MAGOH: variants seen among roughly 807,000 people sequenced by gnomAD.
MAGOH encodes the protein protein mago nashi homolog.
In MAGOH, 3 loss-of-function variants were observed where a neutral mutation model predicts 20.9. The ratio of observed to expected loss-of-function variants is 0.14; its 90% confidence interval spans 0.07 to 0.37. MAGOH has a LOEUF of 0.37. Ranked by LOEUF, MAGOH falls within the 10% of genes least tolerant of loss-of-function variation. MAGOH has a pLI of 1.00. For synonymous variants in MAGOH, 51 were observed against 61.0 expected (o/e 0.84, Z 0.76); for missense variants, 66 against 178.1 (o/e 0.37, Z 3.58).
chr1:53,233,442 TA>T, intron 3 of MAGOH, 99 bp downstream of exon 3: 1 of 737,408 alleles, frequency 1.4e-6, no homozygotes, highest in Non-Finnish European at 2.4e-6. Context: ...CCATAGTAGT[TA>T]GTAAGTGAGA....
rs113912801 is a variant in MAGOH, at chr1:53,233,618, T to C, written c.182A>G (p.Lys61Arg). 1 of 1,613,756 alleles carries C rather than the reference T, an allele frequency of 6.2e-7. No homozygotes were observed. Among genetic ancestry groups the C allele is most frequent in the Admixed American group, 1.7e-5 (1 of 60,014 alleles). ...AATTTCACTGTCGTCAATTATTCTC[T>C]TCAGTTCCTCCATCACGCTTTTATG... ...YVHKSVMEEL[K>R]RIIDDSEITK... is the part of the protein sequence containing the mutation. The change falls in exon 3 of 5, where the codon AAG becomes AGG. Residue 61 changes from lysine (K) to arginine (R), a missense_variant. Physicochemically the swap from Lys to Arg is conservative, Grantham distance 26 (BLOSUM62 2). Coordinates refer to ENST00000371470, the MANE Select transcript of MAGOH (RefSeq NM_002370.4).
chr1:53,233,514 G>T (rs1273874218), intron 3 of MAGOH, 28 bp downstream of exon 3: 7 of 1,509,618 alleles, frequency 4.6e-6, no homozygotes, highest in Admixed American at 1.7e-5. Flanking sequence ...TAAGATTTCT[G>T]CACTACAGGA....
At position 53,227,042 on chromosome 1, in the gene MAGOH, A is replaced by T; in HGVS notation, c.*3T>A. 6.7e-7 allele frequency: 1 copy of T among 1,496,412 alleles called. No homozygotes were observed. Among genetic ancestry groups the T allele is most frequent in the Non-Finnish European group, 9.1e-7 (1 of 1,100,896 alleles). 92.7% of individuals were successfully genotyped at this position (1,496,412 alleles called of 1,614,324 possible). The stretch of plus-strand genomic sequence containing the variant: ...ACCCCCCATGTCCACACCAATATTC[A>T]GTCTAGATTGGTTTAATCTTGAAGT... On this transcript the variant is annotated 3_prime_UTR_variant, in exon 5 of 5. Transcript: ENST00000371470.
chr1:53,229,062 C>T lies in MAGOH; in HGVS notation c.259-108G>A, dbSNP rs1051320134. Reference sequence around the variant, plus strand: ...ACACAAACTTGACTACAGATGGCCACAAAAACAAGGGCAGTTCACTCTGAG... The same window carrying T: ...ACACAAACTTGACTACAGATGGCCATAAAAACAAGGGCAGTTCACTCTGAG... On this transcript the variant is annotated intron_variant, in intron 3 of 4. Coordinates refer to ENST00000371470, the MANE Select transcript of MAGOH (RefSeq NM_002370.4). The T allele has an allele frequency of 1.1e-5, 8 of 726,276 alleles. No individual in the cohort carries two copies. In the African/African-American group the frequency reaches 1.2e-4, roughly 11 times the overall value. 45.0% of individuals were successfully genotyped at this position (726,276 alleles called of 1,614,324 possible).
rs367659567 is a variant in MAGOH at position 53,237,299 on chromosome 1, CCT to C, written c.88+1060_88+1061del. On this transcript the variant is annotated intron_variant, in intron 1 of 4. Transcript: ENST00000371470. ...CTGCAACAGTCTCCTAATCAATAGC[CCT>C]GTTTCCACTCTTGCCCATTCCGCAC... is the stretch of plus-strand genomic sequence containing the variant. Among the ~76,000 whole-genome samples the C allele has an allele frequency of 2.8e-3, 427 of 151,934 alleles. 3 individuals carry two copies. The highest frequency in any genetic ancestry group is 0.01 in the African/African-American group (416 of 41,428).
chr1:53,228,104 T>C (rs1325157033), intron 4 of MAGOH, among the ~76,000 whole-genome samples: 3 of 152,138 alleles, frequency 2.0e-5, no homozygotes, highest in Non-Finnish European at 4.4e-5. Context: ...AAAATCTTGA[T>C]CCCTTTTCAC....
chr1:53,231,971 A>C (rs1183427970), intron 3 of MAGOH, among the ~76,000 whole-genome samples: 1 of 152,206 alleles, frequency 6.6e-6, no homozygotes, highest in Non-Finnish European at 1.5e-5. Flanking sequence ...TGCATTCCCA[A>C]GTTCTTTATA....
chr1:53,228,646 G>A (rs1350158515), intron 4 of MAGOH, among the ~76,000 whole-genome samples: 1 of 152,108 alleles, frequency 6.6e-6, no homozygotes, highest in Non-Finnish European at 1.5e-5. Flanking sequence ...ATATGTGTGT[G>A]TCAACAAGAA....
At position 53,234,793 on chromosome 1, in the gene MAGOH, A is replaced by G. The variant is rs374412049; in HGVS notation, c.147+784T>C. On this transcript the variant is annotated intron_variant, in intron 2 of 4. Transcript: ENST00000371470. ...GAATAAGCATAAAATCAATAGCTAA[A>G]ATAACAATATGAAAATATATGCTAA... 6.6e-5 allele frequency among the ~76,000 whole-genome samples: 10 copies of G among 152,336 alleles called. No individual in the cohort carries two copies. In the East Asian group the frequency reaches 1.7e-3, roughly 26 times the overall value.
At chr1:53,233,406 C>T in intron 3 of MAGOH, 136 bp downstream of exon 3, 2 of 574,568 alleles carry the variant, frequency 3.5e-6, no homozygotes, top group South Asian at 2.6e-5. Context: ...TGTTCTATTT[C>T]TCTTTGTATC....
At chr1:53,232,669 GA>G (rs1049539561) in intron 3 of MAGOH, among the ~76,000 whole-genome samples, 5 of 152,226 alleles carry the variant, frequency 3.3e-5, no homozygotes, top group African/African-American at 9.7e-5. Context: ...CTGAGGAACA[GA>G]AATGAAGCTA....
intron 3 of MAGOH, chr1:53,233,281 C>T: frequency 3.6e-6 from 1 of 278,998 alleles, no homozygotes; most frequent in Non-Finnish European, 6.7e-6. Flanking sequence ...TTTTAGTTAC[C>T]AAAATGGTGC....
At chr1:53,231,807 T>G (rs1213749943) in intron 3 of MAGOH, among the ~76,000 whole-genome samples, 1 of 152,198 alleles carries the variant, frequency 6.6e-6, no homozygotes, top group African/African-American at 2.4e-5. Context: ...GGGAAAAAAA[T>G]CCTACTGCGA....
intron 1 of MAGOH, among the ~76,000 whole-genome samples, chr1:53,237,463 T>TC (rs1244077960): frequency 1.3e-5 from 2 of 149,000 alleles, no homozygotes; most frequent in East Asian, 4.1e-4. Flanking sequence ...TCACCTGAGG[T>TC]CAGGAGTTCG....
chr1:53,232,940 C>T (rs1557728277), intron 3 of MAGOH, among the ~76,000 whole-genome samples: 1 of 152,088 alleles, frequency 6.6e-6, no homozygotes, highest in East Asian at 1.9e-4. Flanking sequence ...ATCTCTACTA[C>T]AAATACAAAA....
intron 3 of MAGOH, 138 bp from the exon 4 acceptor site, chr1:53,229,092 A>C (rs1338209238): frequency 9.4e-6 from 6 of 639,602 alleles, no homozygotes; most frequent in Non-Finnish European, 1.1e-5. Context: ...TCTGAGCACT[A>C]AACTGTGCTG....
chr1:53,237,185 G>A (rs1645615008), intron 1 of MAGOH, among the ~76,000 whole-genome samples: 1 of 149,870 alleles, frequency 6.7e-6, no homozygotes, highest in African/African-American at 2.5e-5. Flanking sequence ...CTGACCTCAA[G>A]TGATCCGCAT....
chr1:53,234,761 C>T (rs563645601), intron 2 of MAGOH, among the ~76,000 whole-genome samples: 4 of 152,192 alleles, frequency 2.6e-5, no homozygotes, highest in Non-Finnish European at 5.9e-5. Context: ...AGGATATTGA[C>T]ATGTGTGAAT....
At chr1:53,232,810 G>A (rs1645592604) in intron 3 of MAGOH, among the ~76,000 whole-genome samples, 1 of 152,176 alleles carries the variant, frequency 6.6e-6, no homozygotes, top group Non-Finnish European at 1.5e-5. Flanking sequence ...CGTTTTTAAA[G>A]ATCAGACCAG....
Sources: allele counts gnomAD v4.1 joint callset (sites outside exome capture counted in the v4.1 genomes callset), GRCh38; gene constraint gnomAD v4.1.1; transcripts MANE v1.5; gene names NCBI Gene and HGNC (gene_info 2026-07-23, HGNC 2026-07-21).